PPP1R14C: variants seen among roughly 807,000 people sequenced by gnomAD.
The protein encoded by PPP1R14C is protein phosphatase 1 regulatory inhibitor subunit 14C, also known as protein phosphatase 1 regulatory subunit 14C.
Under a neutral mutation model 20.4 loss-of-function variants are expected in PPP1R14C, and 16 were observed. That is an observed-to-expected ratio of 0.78 (90% CI 0.53 to 1.19). The LOEUF (loss-of-function observed/expected upper bound fraction) is 1.19, where lower values mean the gene tolerates loss of function less well. Ranked by LOEUF, PPP1R14C falls within the 50% of genes most tolerant of loss-of-function variation. The pLI, the probability that PPP1R14C is intolerant of heterozygous loss-of-function variation, is 0.00. For synonymous variants in PPP1R14C, 91 were observed against 91.0 expected, an observed-to-expected ratio of 1.00 and a Z score of 0.00; for missense variants, 211 against 220.1, an observed-to-expected ratio of 0.96 and a Z score of 0.26.
chr6:150,207,012 A>G (rs57214329), intron 1 of PPP1R14C, among the ~76,000 whole-genome samples: 28,417 of 151,632 alleles, frequency 0.19, 2,951 homozygotes, highest in African/African-American at 0.27. Flanking sequence ...TTACAGGCAC[A>G]TGCCACTATC....
intron 1 of PPP1R14C, among the ~76,000 whole-genome samples, chr6:150,160,084 A>G (rs1402237542): frequency 6.6e-6 from 1 of 152,076 alleles, no homozygotes; most frequent in African/African-American, 2.4e-5. Flanking sequence ...AGGTGAAGAA[A>G]CACTTTTATC....
intron 3 of PPP1R14C, among the ~76,000 whole-genome samples, chr6:150,244,752 T>C (rs1192002044): frequency 6.6e-6 from 1 of 152,260 alleles, no homozygotes; most frequent in Non-Finnish European, 1.5e-5. Context: ...GATCACTGTA[T>C]GTTTACAAAC....
chr6:150,156,024 C>CAAAA (rs67908012), intron 1 of PPP1R14C, among the ~76,000 whole-genome samples: 1,169 of 36,484 alleles, frequency 0.032, no homozygotes, highest in Non-Finnish European at 0.041. Context: ...GACTCTGTCT[C>CAAAA]AAAAAAAAAA....
intron 3 of PPP1R14C, among the ~76,000 whole-genome samples, chr6:150,241,213 C>CTG (rs909665946): frequency 1.1e-4 from 16 of 152,152 alleles, no homozygotes; most frequent in African/African-American, 3.6e-4. Context: ...CCCTGAAGAA[C>CTG]TGTGGGGTTC....
chr6:150,201,287 T>C lies in PPP1R14C; in HGVS notation c.307-13457T>C, dbSNP rs1272547082. On this transcript the variant is annotated intron_variant, in intron 1 of 3. Coordinates refer to ENST00000361131, the MANE Select transcript of PPP1R14C (RefSeq NM_030949.3). This position sits in a 1 kb window ranked among gnomAD's most constrained non-coding sequence, Gnocchi z 4.2. ...CTGAGAAATGTGAATTGGAAGAGTGTGGAAAGTGCAGCGAAAGAGAGGTGC... is the reference window on the plus strand; with the variant it reads ...CTGAGAAATGTGAATTGGAAGAGTGCGGAAAGTGCAGCGAAAGAGAGGTGC... Among the ~76,000 whole-genome samples, 6 of 152,292 alleles carry C rather than the reference T, an allele frequency of 3.9e-5. No homozygotes were observed. Among genetic ancestry groups the C allele is most frequent in the African/African-American group, 1.4e-4 (6 of 41,566 alleles).
Position 150,250,244 on chromosome 6 carries a change from ATGTT to A in PPP1R14C, c.*1428_*1431del, listed in dbSNP as rs1206704197. ...ACATATTTTATTTTTTAAAAAAACTATGTTTGTGAATTTTGCGTATACTGGCAAG... is the reference window on the plus strand; with the variant it reads ...ACATATTTTATTTTTTAAAAAAACTATGTGAATTTTGCGTATACTGGCAAG... On this transcript the variant is annotated 3_prime_UTR_variant, in exon 4 of 4. Transcript: ENST00000361131. 5 of 152,564 alleles carry A rather than the reference ATGTT, an allele frequency of 3.3e-5. No individual in the cohort carries two copies. Among genetic ancestry groups the A allele is most frequent in the African/African-American group, 7.2e-5 (3 of 41,430 alleles). The allele number at this position is 152,564 out of a possible 1,614,324, so 9.5% of individuals were successfully genotyped here.
chr6:150,228,664 ACTAT>A (rs1363406935), intron 3 of PPP1R14C, among the ~76,000 whole-genome samples: 4 of 152,080 alleles, frequency 2.6e-5, no homozygotes, highest in Non-Finnish European at 5.9e-5. Context: ...ACATCGTTAG[ACTAT>A]CTATCTTGGC....
At chr6:150,194,488 T>C in intron 1 of PPP1R14C, 1 of 980,120 alleles carries the variant, frequency 1.0e-6, no homozygotes, top group Non-Finnish European at 1.2e-6. Flanking sequence ...CCAAATAATG[T>C]TCTACTACAA....
intron 3 of PPP1R14C, among the ~76,000 whole-genome samples, chr6:150,236,670 G>C (rs371362041): frequency 6.6e-5 from 9 of 136,078 alleles, no homozygotes; most frequent in African/African-American, 1.9e-4. Context: ...GGAGGGAGCT[G>C]TTGGGAAATG....
intron 1 of PPP1R14C, among the ~76,000 whole-genome samples, chr6:150,167,969 T>TCTCTCCTCCCCTTC (rs1777444786): frequency 7.9e-6 from 1 of 127,138 alleles, no homozygotes; most frequent in African/African-American, 3.4e-5. Flanking sequence ...CTCCCCTCTT[T>TCTCTCCTCCCCTTC]CTCTCCTTCT....
intron 3 of PPP1R14C, among the ~76,000 whole-genome samples, chr6:150,238,589 C>A (rs1778393876): frequency 6.6e-6 from 1 of 152,268 alleles, no homozygotes; most frequent in Admixed American, 6.5e-5. Context: ...ACCCGTTCAC[C>A]CCCAGCTGCA....
At chr6:150,174,543 G>A (rs1012005635) in intron 1 of PPP1R14C, among the ~76,000 whole-genome samples, 2 of 151,846 alleles carry the variant, frequency 1.3e-5, no homozygotes, top group South Asian at 2.1e-4. Context: ...TTCTCAATTC[G>A]ACTGTAAGCT....
intron 1 of PPP1R14C, among the ~76,000 whole-genome samples, chr6:150,176,302 G>A (rs1777562143): frequency 6.6e-6 from 1 of 152,218 alleles, no homozygotes; most frequent in Non-Finnish European, 1.5e-5. Flanking sequence ...GAGTTACCAA[G>A]CTGGGAATTG....
chr6:150,188,253 G>A (rs1400872750), intron 1 of PPP1R14C, among the ~76,000 whole-genome samples: 2 of 152,122 alleles, frequency 1.3e-5, no homozygotes, highest in African/African-American at 4.8e-5. Flanking sequence ...TAGATTTGCT[G>A]GTTTGATGGT....
chr6:150,199,072 A>C (rs2114895382), intron 1 of PPP1R14C, among the ~76,000 whole-genome samples: 1 of 151,898 alleles, frequency 6.6e-6, no homozygotes, highest in Non-Finnish European at 1.5e-5. Context: ...CTTTGGAAGC[A>C]CTGGCTCTCA....
intron 1 of PPP1R14C, among the ~76,000 whole-genome samples, chr6:150,150,746 C>G (rs1207376584): frequency 6.6e-6 from 1 of 152,124 alleles, no homozygotes; most frequent in Non-Finnish European, 1.5e-5. Context: ...CAAGCTAGAC[C>G]AGCCACCCTC....
intron 3 of PPP1R14C, among the ~76,000 whole-genome samples, chr6:150,219,664 A>G (rs1024551287): frequency 2.0e-5 from 3 of 152,178 alleles, no homozygotes; most frequent in Non-Finnish European, 2.9e-5. Context: ...TGGAGCCCCT[A>G]TACAACAATC....
intron 1 of PPP1R14C, among the ~76,000 whole-genome samples, chr6:150,178,195 C>T (rs923168840): frequency 2.0e-5 from 3 of 152,220 alleles, no homozygotes; most frequent in Admixed American, 6.5e-5. Context: ...GGCGCCACCT[C>T]AGCAGGGTTT....
Position 150,244,358 on chromosome 6 carries a change from C to T in PPP1R14C, c.424-4388C>T, listed in dbSNP as rs1483127139. Among the ~76,000 whole-genome samples, 4 of 152,230 alleles carry T rather than the reference C, an allele frequency of 2.6e-5. No homozygotes were observed. In the South Asian group the frequency reaches 8.3e-4, roughly 31 times the overall value. On this transcript the variant is annotated intron_variant, in intron 3 of 3. Coordinates refer to ENST00000361131, the MANE Select transcript of PPP1R14C (RefSeq NM_030949.3). ...CTTTCTGCTAGAAACACTTTTCCTT[C>T]TTGGCTTCTGAACAGCACATTCTCT...
Sources: allele counts gnomAD v4.1 joint callset (sites outside exome capture counted in the v4.1 genomes callset), GRCh38; gene constraint gnomAD v4.1.1; non-coding constraint Gnocchi (gnomAD v3.1); transcripts MANE v1.5; gene names NCBI Gene and HGNC (gene_info 2026-07-23, HGNC 2026-07-21).